The following PFKM variants were observed in gnomAD, a reference collection of about 807,000 sequenced individuals.
PFKM encodes phosphofructokinase, muscle, also known as ATP-dependent 6-phosphofructokinase, muscle type.
A neutral mutation model predicts 95.5 loss-of-function variants in PFKM; 58 were observed. That is an observed-to-expected ratio of 0.61 (90% confidence interval 0.49 to 0.76). The LOEUF (loss-of-function observed/expected upper bound fraction) is 0.76. PFKM is among the 30% of genes least tolerant of loss of function. The pLI, the probability that PFKM is intolerant of heterozygous loss-of-function variation, is 0.00. For synonymous variants in PFKM, 336 were observed against 357.2 expected, an observed-to-expected ratio of 0.94 and a Z score of 0.67; for missense variants, 678 against 1,005.4, an observed-to-expected ratio of 0.67 and a Z score of 4.40.
intron 17 of PFKM, 54 bp from the exon 18 acceptor site, chr12:48,142,728 T>A: frequency 6.7e-7 from 1 of 1,502,142 alleles, no homozygotes; most frequent in South Asian, 1.1e-5. Context: ...TAAAGAGTGA[T>A]AAGAATCAGG....
chr12:48,119,837 A>C (rs1565855452), intron 1 of PFKM: 1 of 152,316 alleles, frequency 6.6e-6, no homozygotes, highest in East Asian at 1.9e-4. Context: ...TCTGTAAGGG[A>C]TGCTTATACA....
At chr12:48,112,733 TG>T (rs1947317049) in intron 3 of PFKM, among the ~76,000 whole-genome samples, 1 of 152,208 alleles carries the variant, frequency 6.6e-6, no homozygotes, top group South Asian at 2.1e-4. Flanking sequence ...GCGCAGATCC[TG>T]AACTAACCTG....
intron 14 of PFKM, 56 bp downstream of exon 14, chr12:48,140,927 G>A: frequency 6.3e-7 from 1 of 1,581,420 alleles, no homozygotes; most frequent in Non-Finnish European, 8.7e-7. Flanking sequence ...AGTGTAGCAA[G>A]AATGACCTGT....
At chr12:48,132,192 A>G (rs1949569607) in intron 4 of PFKM, 1 of 408,928 alleles carries the variant, frequency 2.4e-6, no homozygotes, top group South Asian at 1.8e-5. Flanking sequence ...TGAAAACCTA[A>G]GTATACTTAC....
chr12:48,119,677 T>A (rs1255790165), intron 1 of PFKM: 1 of 152,408 alleles, frequency 6.6e-6, no homozygotes, highest in East Asian at 1.9e-4. Context: ...CTTGGCTGCC[T>A]GACCCTACCC....
chr12:48,105,842 G>A, upstream of PFKM: 1 of 598,398 alleles, frequency 1.7e-6, no homozygotes, highest in Non-Finnish European at 3.0e-6. Context: ...GCCACAGCGC[G>A]GCCACCGGAC....
At position 48,134,265 on chromosome 12, in the gene PFKM, C is replaced by A. The variant is rs930544072; in HGVS notation, c.627C>A (p.Gly209=). 5.6e-6 allele frequency: 9 copies of A among 1,613,476 alleles called. No individual in the cohort carries two copies. Among genetic ancestry groups the A allele is most frequent in the Non-Finnish European group, 7.6e-6 (9 of 1,179,412 alleles). Residue 209 remains glycine, a synonymous_variant, in exon 7 of 23, where the codon GGC becomes GGA. Coordinates refer to ENST00000359794, the MANE Select transcript of PFKM (RefSeq NM_000289.6). ...HQRTFVLEVM[G]RHCGYLALVT... ...GGACATTTGTGTTAGAAGTAATGGG[C>A]CGCCACTGTGGGTAAGATCCTCATT...
intron 20 of PFKM, 129 bp downstream of exon 20, chr12:48,144,286 T>C (rs1950835657): frequency 1.4e-6 from 1 of 728,452 alleles, no homozygotes; most frequent in Non-Finnish European, 2.5e-6. Context: ...AGTGCCATCA[T>C]AGAGCATGGG....
At position 48,125,212 on chromosome 12, in the gene PFKM, C is replaced by T. The variant is rs1185206096; in HGVS notation, c.85+2353C>T. 1.9e-5 allele frequency: 7 copies of T among 361,958 alleles called. No homozygotes were observed. In the East Asian group the frequency reaches 3.8e-4, roughly 20 times the overall value. The allele number at this position is 361,958 out of a possible 1,614,324, so 22.4% of individuals were successfully genotyped here. On this transcript the variant is annotated intron_variant, in intron 2 of 22. Coordinates refer to ENST00000359794, the MANE Select transcript of PFKM (RefSeq NM_000289.6). ...TATGCTACCTTTAGCCTTATGACAT[C>T]GGCATATTCTACCCCTGGAAAGGAC...
intron 19 of PFKM, 47 bp downstream of exon 19, chr12:48,143,861 TTGGCTCAAACCCATAGAA>T (rs760771204): frequency 3.4e-6 from 5 of 1,492,132 alleles, no homozygotes; most frequent in Non-Finnish European, 4.7e-6. Flanking sequence ...AAAATAAGCT[TTGGCTCAAACCCATAGAA>T]TGGCCATTGT....
upstream of PFKM, among the ~76,000 whole-genome samples, chr12:48,117,030 T>C (rs970845735): frequency 2.0e-5 from 3 of 152,174 alleles, no homozygotes; most frequent in Admixed American, 2.0e-4. Context: ...AATCTCTCCT[T>C]CTCTATCCCA....
chr12:48,145,598 CTG>C lies in PFKM; in HGVS notation c.2234_2235del (p.Leu745GlnfsTer13). 6.2e-7 allele frequency: 1 copy of C among 1,614,112 alleles called. No individual in the cohort carries two copies. Among genetic ancestry groups the C allele is most frequent in the Non-Finnish European group, 8.5e-7 (1 of 1,180,000 alleles). On this transcript the variant is annotated frameshift_variant, in exon 23 of 23. Transcript: ENST00000359794. LOFTEE classifies it high-confidence loss of function. This position sits in a 1 kb window ranked among gnomAD's most constrained non-coding sequence, Gnocchi z 4.3. ...RIPKEQWWLKLRPILKILAKY... is the reference protein window; with the variant it reads ...RIPKEQWWLKXRPILKILAKY... ...CCCCAAGGAACAGTGGTGGCTGAAA[CTG>C]AGGCCCATCCTCAAAATCCTAGCCA...
At chr12:48,120,331 A>G in intron 1 of PFKM, among the ~76,000 whole-genome samples, 1 of 152,200 alleles carries the variant, frequency 6.6e-6, no homozygotes, top group Admixed American at 6.5e-5. Context: ...CATTTTTCAT[A>G]TATTTGTATT....
At chr12:48,105,781 GGA>G (rs369237878), upstream of PFKM, 1 of 578,144 alleles carries the variant, frequency 1.7e-6, no homozygotes, top group Non-Finnish European at 3.1e-6. Context: ...CCGCGGCCCA[GGA>G]GAGAGAGACC....
chr12:48,107,346 ACT>A lies in PFKM; in HGVS notation c.-9-16_-9-15del, dbSNP rs543593221. Reference sequence around the variant, plus strand: ...TCACAGCTCTGTTCGTTTGGATTAAACTCTGTCTCTATTTCTAGGAGGCAGCC... The same window carrying A: ...TCACAGCTCTGTTCGTTTGGATTAAACTGTCTCTATTTCTAGGAGGCAGCC... On this transcript the variant is annotated splice_polypyrimidine_tract_variant and intron_variant, in intron 1 of 24. Transcript: ENST00000340802. 1.9e-3 allele frequency: 2,832 copies of A among 1,499,250 alleles called. 4 individuals carry two copies. The highest frequency in any genetic ancestry group is 2.1e-3 in the Non-Finnish European group (2,286 of 1,089,318). 92.9% of individuals were successfully genotyped at this position (1,499,250 alleles called of 1,614,324 possible). A position where few individuals can be genotyped will look rare whatever the true frequency, so the allele number is the denominator to read the frequency against.
chr12:48,112,091 A>G lies in PFKM; in HGVS notation c.205+3897A>G, dbSNP rs548262187. On this transcript the variant is annotated intron_variant, in intron 3 of 24. Transcript: ENST00000340802. ...AGGGCGCGGTCCTGGCTTATGTAAG[A>G]ACTCCGACTGCACGGCCCTGCACTT... Among the ~76,000 whole-genome samples, 69 of 152,286 alleles carry G rather than the reference A, an allele frequency of 4.5e-4. 2 individuals are homozygous for G. The South Asian group carries it at 0.014, about 30-fold the overall frequency.
At chr12:48,112,412 A>C (rs537315399) in intron 3 of PFKM, among the ~76,000 whole-genome samples, 23 of 151,896 alleles carry the variant, frequency 1.5e-4, no homozygotes, top group Admixed American at 3.3e-4. Flanking sequence ...TGTTTTCATG[A>C]AGAATTATGT....
rs753196907 is a variant in PFKM at position 48,134,827 on chromosome 12, G to A, written c.745G>A (p.Glu249Lys). ...WEEHLCRRLS[E>K]TRTRGSRLNI... ...GGAACACCTTTGTCGCCGACTCAGC[G>A]AGGTACTTGCACTTTATTTTGCCCT... The change falls in exon 8 of 23, where the codon GAG (glutamate) becomes AAG (lysine). Residue 249 changes from glutamate to lysine, a missense_variant and splice_region_variant. Physicochemically the swap from Glu to Lys is moderately conservative, Grantham distance 56 (BLOSUM62 1). Transcript: ENST00000359794. 1.1e-5 allele frequency: 18 copies of A among 1,612,424 alleles called. No homozygotes were observed. The highest frequency in any genetic ancestry group is 2.7e-5 in the African/African-American group (2 of 74,994).
At chr12:48,120,661 C>T (rs1335085272) in intron 1 of PFKM, among the ~76,000 whole-genome samples, 1 of 152,226 alleles carries the variant, frequency 6.6e-6, no homozygotes, top group Non-Finnish European at 1.5e-5. Flanking sequence ...GAAGGTAGTG[C>T]ACATACTGAA....
Sources: gnomAD v4.1 joint callset for allele counts (sites outside exome capture counted in the v4.1 genomes callset) on GRCh38, gnomAD v4.1.1 for gene constraint, Gnocchi (gnomAD v3.1) non-coding constraint, MANE v1.5 for transcripts, NCBI Gene and HGNC (gene_info 2026-07-23, HGNC 2026-07-21) for gene names.